Variants in PGLYRP2 observed in about 807,000 individuals in gnomAD.
PGLYRP2 encodes peptidoglycan recognition protein 2, also known as N-acetylmuramoyl-L-alanine amidase.
A neutral mutation model predicts 46.2 loss-of-function variants in PGLYRP2; 38 were observed. That is an observed-to-expected ratio of 0.82 (90% CI 0.64 to 1.08). The LOEUF is 1.08. Among genes scored for constraint, PGLYRP2 ranks in the 50% least tolerant of loss-of-function variants. The pLI, the probability that PGLYRP2 is intolerant of heterozygous loss-of-function variation, is 0.00. For missense variants in PGLYRP2, 713 were observed against 755.9 expected, an observed-to-expected ratio of 0.94 and a Z score of 0.67; for synonymous variants, 289 against 329.4, an observed-to-expected ratio of 0.88 and a Z score of 1.33.
chr19:15,472,418 G>A (rs919618172), intron 2 of PGLYRP2, among the ~76,000 whole-genome samples: 1 of 149,118 alleles, frequency 6.7e-6, no homozygotes, highest in Non-Finnish European at 1.5e-5. Context: ...GGTGAAACCC[G>A]GTCTCTACTA....
At position 15,471,961 on chromosome 19, in the gene PGLYRP2, G is replaced by C; in HGVS notation, c.1272C>G (p.Arg424=). 1 of 1,614,086 alleles carries C rather than the reference G, an allele frequency of 6.2e-7. No individual in the cohort carries two copies. The highest frequency in any genetic ancestry group is 1.7e-5 in the Admixed American group (1 of 60,028). Residue 424 remains arginine (R), a synonymous_variant, in exon 3 of 5, where the codon CGC becomes CGG. Coordinates refer to ENST00000340880, the MANE Select transcript of PGLYRP2 (RefSeq NM_052890.4). ...VPAPPCTDFT[R]CAANMRSMQR... ...GCATGGAGCGCATGTTGGCTGCGCA[G>C]CGCGTGAAGTCCGTGCAGGGTGGTG...
At chr19:15,478,105 G>A (rs997280054) in intron 1 of PGLYRP2, among the ~76,000 whole-genome samples, 3 of 152,108 alleles carry the variant, frequency 2.0e-5, no homozygotes, top group African/African-American at 7.2e-5. Context: ...CCAGCACTTT[G>A]GGAGGCCGAG....
Position 15,469,675 on chromosome 19 carries a change from T to A in PGLYRP2, c.1598A>T (p.Asp533Val). The A allele has an allele frequency of 5.8e-6, 9 of 1,543,690 alleles. No homozygotes were observed. Among genetic ancestry groups the A allele is most frequent in the Non-Finnish European group, 7.8e-6 (9 of 1,149,628 alleles). Residue 533 changes from aspartate (D) to valine (V), a missense_variant, in exon 4 of 5, where the codon GAC becomes GTC. Transcript: ENST00000340880. The surrounding 1 kb of genome is among the most constrained non-coding windows in gnomAD (Gnocchi z 4.9). Reference sequence around the variant, plus strand: ...GGTGCGCAGCAGGTCGAAGAGCGCGTCGCCGGGGCAGTCGGTGCGCACCAG... The same window carrying A: ...GGTGCGCAGCAGGTCGAAGAGCGCGACGCCGGGGCAGTCGGTGCGCACCAG... ...RQLVRTDCPG[D>V]ALFDLLRTWP...
In PGLYRP2 at chr19:15,469,629, C is replaced by T; in HGVS notation, c.1641+3G>A. On this transcript the variant is annotated splice_donor_region_variant and intron_variant, in intron 4 of 4. Transcript: ENST00000340880. The surrounding 1 kb of genome is among the most constrained non-coding windows in gnomAD (Gnocchi z 4.9). ...CCGTGTAGTGCAGGCTGCGAAGACTCACCGCGGTGAAGTGCGGCCAGGTGC... is the reference window on the plus strand; with the variant it reads ...CCGTGTAGTGCAGGCTGCGAAGACTTACCGCGGTGAAGTGCGGCCAGGTGC... 3 of 1,576,538 alleles carry T rather than the reference C, an allele frequency of 1.9e-6. No individual in the cohort carries two copies. Among genetic ancestry groups the T allele is most frequent in the Non-Finnish European group, 2.6e-6 (3 of 1,167,126 alleles).
Position 15,476,266 on chromosome 19 carries a change from C to A in PGLYRP2, c.404G>T (p.Arg135Leu), listed in dbSNP as rs747502920. The change falls in exon 2 of 5, where the codon CGC becomes CTC. Residue 135 changes from arginine to leucine, a missense_variant. Coordinates refer to ENST00000340880, the MANE Select transcript of PGLYRP2 (RefSeq NM_052890.4). ...LAGLEAGLQG[R>L]RVINLPLDSM... ...GTCCAAGGGCAAATTTATGACCCTG[C>A]GCCCTTGCAGCCCTGCCTCCAGCCC... 6 of 1,614,044 alleles carry A rather than the reference C, an allele frequency of 3.7e-6. No homozygotes were observed. In the South Asian group the frequency reaches 5.5e-5, roughly 15 times the overall value.
chr19:15,479,183 A>G (rs1970823742), intron 1 of PGLYRP2, 128 bp downstream of exon 1: 1 of 953,544 alleles, frequency 1.0e-6, no homozygotes, highest in Admixed American at 2.0e-5. Flanking sequence ...CTATGTCCCC[A>G]TGCTGGAGCT....
chr19:15,468,955 T>C, intron 4 of PGLYRP2: 1 of 530,398 alleles, frequency 1.9e-6, no homozygotes, highest in Non-Finnish European at 3.4e-6. Context: ...TAGCACGAGA[T>C]TGTCCAGGTG....
In PGLYRP2 at chr19:15,471,103, C is replaced by CTTTTTTT. The variant is rs71176418; in HGVS notation, c.1343+780_1343+786dup. Among the ~76,000 whole-genome samples the CTTTTTTT allele has an allele frequency of 2.5e-5, 2 of 79,464 alleles. 1 individual carries two copies. Among genetic ancestry groups the CTTTTTTT allele is most frequent in the African/African-American group, 1.2e-4 (2 of 16,490 alleles). 52.1% of individuals were successfully genotyped at this position (79,464 alleles called of 152,430 possible). A position where few individuals can be genotyped will look rare whatever the true frequency, so the allele number is the denominator to read the frequency against. ...TACAGGCGCGCAACACCATGCCCAGCTTTTTTTTTTTTTTTTTTTTTTTTT... is the reference window on the plus strand; with the variant it reads ...TACAGGCGCGCAACACCATGCCCAGCTTTTTTTTTTTTTTTTTTTTTTTTTTTTTTTT... On this transcript the variant is annotated intron_variant, in intron 3 of 4. Transcript: ENST00000340880.
chr19:15,479,431 C>T lies in PGLYRP2; in HGVS notation c.-60G>A. 6.5e-7 allele frequency: 1 copy of T among 1,538,706 alleles called. No homozygotes were observed. Among genetic ancestry groups the T allele is most frequent in the Non-Finnish European group, 8.9e-7 (1 of 1,121,194 alleles). ...GGTTGGCCTCGGCAGAGAACCTCGG[C>T]AGTGCTGGAGGGAGACAGGCACAGA... is the stretch of plus-strand genomic sequence containing the variant. On this transcript the variant is annotated 5_prime_UTR_variant, in exon 1 of 5. Coordinates refer to ENST00000340880, the MANE Select transcript of PGLYRP2 (RefSeq NM_052890.4).
Position 15,476,587 on chromosome 19 carries a change from T to A in PGLYRP2, c.83A>T (p.Asp28Val). ...PGTASLPLLM[D>V]SVIQALAELE... ...CTCAGCCAGGGCCTGGATGACAGAG[T>A]CCATGAGCAGGGGCAGGGAGGCTGC... The change falls in exon 2 of 5, where the codon GAC becomes GTC. Residue 28 changes from aspartate to valine, a missense_variant. By Grantham distance (152) the Asp-to-Val change is radical (BLOSUM62 -3). Coordinates refer to ENST00000340880, the MANE Select transcript of PGLYRP2 (RefSeq NM_052890.4). 1 of 1,606,696 alleles carries A rather than the reference T, an allele frequency of 6.2e-7. No individual in the cohort carries two copies. Among genetic ancestry groups the A allele is most frequent in the Non-Finnish European group, 8.5e-7 (1 of 1,176,356 alleles).
Position 15,469,833 on chromosome 19 carries a change from C to T in PGLYRP2, c.1440G>A (p.Val480=). The part of the protein sequence containing the change: ...TLGHNSRGFG[V]AIVGNYTAAL... Reference sequence around the variant, plus strand: ...CCGCGGTGTAGTTGCCCACTATGGCCACGCCGAAGCCCCGGGAGTTGTGGC... The same window carrying T: ...CCGCGGTGTAGTTGCCCACTATGGCTACGCCGAAGCCCCGGGAGTTGTGGC... Residue 480 remains valine, a synonymous_variant, in exon 4 of 5, where the codon GTG becomes GTA. Transcript: ENST00000340880. The surrounding 1 kb of genome is among the most constrained non-coding windows in gnomAD (Gnocchi z 4.9). The T allele has an allele frequency of 6.5e-7, 1 of 1,530,258 alleles. No individual in the cohort carries two copies. Among genetic ancestry groups the T allele is most frequent in the South Asian group, 1.2e-5 (1 of 82,124 alleles). The allele number at this position is 1,530,258 out of a possible 1,614,324, so 94.8% of individuals were successfully genotyped here.
intron 3 of PGLYRP2, among the ~76,000 whole-genome samples, 163 bp from the exon 4 acceptor site, chr19:15,470,092 A>G (rs1305108064): frequency 3.3e-5 from 5 of 151,694 alleles, no homozygotes; most frequent in African/African-American, 1.2e-4. Flanking sequence ...CTCTCACACC[A>G]GCTGCCACTC....
intron 2 of PGLYRP2, among the ~76,000 whole-genome samples, chr19:15,473,384 C>T (rs1037479454): frequency 3.6e-5 from 5 of 140,040 alleles, no homozygotes; most frequent in African/African-American, 1.3e-4. Context: ...GCAGGAGAAT[C>T]GCTTGAACCC....
chr19:15,476,583 A>G lies in PGLYRP2; in HGVS notation c.87T>C (p.Ser29=). The G allele has an allele frequency of 1.2e-6, 2 of 1,608,528 alleles. No homozygotes were observed. The highest frequency in any genetic ancestry group is 1.1e-5 in the South Asian group (1 of 90,262). The change falls in exon 2 of 5, where the codon TCT becomes TCC. Residue 29 remains serine, a synonymous_variant. Coordinates refer to ENST00000340880, the MANE Select transcript of PGLYRP2 (RefSeq NM_052890.4). ...CCAGCTCAGCCAGGGCCTGGATGAC[A>G]GAGTCCATGAGCAGGGGCAGGGAGG... ...GTASLPLLMD[S]VIQALAELEQ...
At chr19:15,473,304 T>A (rs1476403503) in intron 2 of PGLYRP2, among the ~76,000 whole-genome samples, 2 of 151,562 alleles carry the variant, frequency 1.3e-5, no homozygotes, top group Non-Finnish European at 2.9e-5. Context: ...ACCCCGTCTC[T>A]ACTAAAAATA....
In PGLYRP2 at chr19:15,469,799, T is replaced by C; in HGVS notation, c.1474A>G (p.Thr492Ala). The C allele has an allele frequency of 6.6e-7, 1 of 1,514,924 alleles. No homozygotes were observed. Among genetic ancestry groups the C allele is most frequent in the South Asian group, 1.2e-5 (1 of 80,968 alleles). The allele number at this position is 1,514,924 out of a possible 1,614,324, so 93.8% of individuals were successfully genotyped here. A position where few individuals can be genotyped will look rare whatever the true frequency, so the allele number is the denominator to read the frequency against. Residue 492 changes from threonine to alanine, a missense_variant, in exon 4 of 5, where the codon ACC becomes GCC. Transcript: ENST00000340880. The surrounding 1 kb of genome is among the most constrained non-coding windows in gnomAD (Gnocchi z 4.9). ...IVGNYTAALP[T>A]EAALRTVRDT... ...CGCACCGTGCGCAGAGCGGCCTCGG[T>C]GGGCAGCGCCGCGGTGTAGTTGCCC...
In PGLYRP2 at chr19:15,469,972, G is replaced by C; in HGVS notation, c.1344-43C>G. On this transcript the variant is annotated intron_variant, in intron 3 of 4. Coordinates refer to ENST00000340880, the MANE Select transcript of PGLYRP2 (RefSeq NM_052890.4). This position sits in a 1 kb window ranked among gnomAD's most constrained non-coding sequence, Gnocchi z 4.9. ...AAGCAAGCACCATGCGGCGTGAGGG[G>C]GACCCGGGCCCTTATCCGCTCCCCT... 2.2e-6 allele frequency: 3 copies of C among 1,377,730 alleles called. No individual in the cohort carries two copies. The highest frequency in any genetic ancestry group is 2.8e-6 in the Non-Finnish European group (3 of 1,069,166). The allele number at this position is 1,377,730 out of a possible 1,614,324, so 85.3% of individuals were successfully genotyped here. A position where few individuals can be genotyped will look rare whatever the true frequency, so the allele number is the denominator to read the frequency against.
At chr19:15,478,382 T>A (rs1257042591) in intron 1 of PGLYRP2, among the ~76,000 whole-genome samples, 1 of 152,158 alleles carries the variant, frequency 6.6e-6, no homozygotes, top group African/African-American at 2.4e-5. Flanking sequence ...TTATTTCTCA[T>A]AGTTCTAGAG....
rs753025613 is a variant in PGLYRP2 at position 15,475,997 on chromosome 19, C to T, written c.673G>A (p.Gly225Arg). The change falls in exon 2 of 5, where the codon GGA (glycine) becomes AGA (arginine). Residue 225 changes from glycine to arginine, a missense_variant. By Grantham distance (125) the Gly-to-Arg change is moderately radical. Coordinates refer to ENST00000340880, the MANE Select transcript of PGLYRP2 (RefSeq NM_052890.4). ...CGGAGGAAGGTCAGGCCCAGGTTTC[C>T]AGCCAGGGTGACTGCCAGGAGGCTG... ...VDSLLAVTLA[G>R]NLGLTFLRGS... 3.1e-6 allele frequency: 5 copies of T among 1,614,174 alleles called. No homozygotes were observed. The South Asian group carries it at 4.4e-5, about 14-fold the overall frequency.
Sources: gnomAD v4.1 joint callset for allele counts (sites outside exome capture counted in the v4.1 genomes callset) on GRCh38, gnomAD v4.1.1 for gene constraint, Gnocchi (gnomAD v3.1) non-coding constraint, MANE v1.5 for transcripts, NCBI Gene and HGNC (gene_info 2026-07-23, HGNC 2026-07-21) for gene names.